CPA6: variants seen among roughly 807,000 people sequenced by gnomAD.
CPA6 encodes carboxypeptidase A6.
In CPA6, 58 loss-of-function variants were observed where a neutral mutation model predicts 63.3. The observed-to-expected ratio is 0.92, with a 90% CI of 0.74 to 1.14. The LOEUF (loss-of-function observed/expected upper bound fraction) is 1.14. Ranked by LOEUF, CPA6 falls within the 50% of genes most tolerant of loss-of-function variation. CPA6 has a pLI of 0.00. For missense variants in CPA6, 565 were observed against 526.6 expected (o/e 1.07, Z -0.71); for synonymous variants, 185 against 179.0 (o/e 1.03, Z -0.27).
intron 1 of CPA6, among the ~76,000 whole-genome samples, chr8:67,689,338 TTG>T (rs1816771679): frequency 6.6e-6 from 1 of 152,204 alleles, no homozygotes; most frequent in Non-Finnish European, 1.5e-5. Flanking sequence ...CATGGGTATA[TTG>T]TGTGATACTG....
intron 1 of CPA6, among the ~76,000 whole-genome samples, chr8:67,695,567 C>G (rs1321848890): frequency 6.6e-6 from 1 of 152,240 alleles, no homozygotes. Context: ...TTCTACACAG[C>G]ATTACTTCTG....
At chr8:67,692,911 C>T (rs530873087) in intron 1 of CPA6, among the ~76,000 whole-genome samples, 11 of 152,266 alleles carry the variant, frequency 7.2e-5, no homozygotes, top group Admixed American at 2.0e-4. Flanking sequence ...ATATTCACTA[C>T]GAGTCATACC....
intron 2 of CPA6, among the ~76,000 whole-genome samples, chr8:67,615,683 C>T (rs545462235): frequency 5.9e-4 from 90 of 152,248 alleles, no homozygotes; most frequent in African/African-American, 1.9e-3. Flanking sequence ...CCATATCCAC[C>T]ATATGCAATT....
chr8:67,424,561 T>G (rs901512752), intron 10 of CPA6, among the ~76,000 whole-genome samples: 5 of 152,194 alleles, frequency 3.3e-5, no homozygotes, highest in African/African-American at 1.2e-4. Context: ...TAATTATGCA[T>G]CTGCATTGGC....
intron 1 of CPA6, among the ~76,000 whole-genome samples, chr8:67,668,741 T>C (rs1027114151): frequency 6.6e-5 from 10 of 152,204 alleles, no homozygotes; most frequent in Admixed American, 6.5e-5. Flanking sequence ...AGCATTATAC[T>C]ATGTATTAGG....
At chr8:67,703,567 C>A (rs1388167748) in intron 1 of CPA6, among the ~76,000 whole-genome samples, 1 of 152,258 alleles carries the variant, frequency 6.6e-6, no homozygotes, top group East Asian at 1.9e-4. Context: ...TTTTACTTTG[C>A]ATGCTGCATG....
In CPA6 at chr8:67,611,247, T is replaced by C. The variant is rs140558591; in HGVS notation, c.192+12929A>G. 3.5e-3 allele frequency among the ~76,000 whole-genome samples: 536 copies of C among 152,252 alleles called. 3 individuals carry two copies. The highest frequency in any genetic ancestry group is 0.012 in the African/African-American group (495 of 41,550). On this transcript the variant is annotated intron_variant, in intron 2 of 10. Coordinates refer to ENST00000297770, the MANE Select transcript of CPA6 (RefSeq NM_020361.5). ...ACAAGCACACACCACCATGCCCTGCTAATTTTTTGTATTTTTAGTAGAGAC... is the reference window on the plus strand; with the variant it reads ...ACAAGCACACACCACCATGCCCTGCCAATTTTTTGTATTTTTAGTAGAGAC...
chr8:67,442,159 A>G (rs888069775), intron 8 of CPA6, among the ~76,000 whole-genome samples: 2 of 152,146 alleles, frequency 1.3e-5, no homozygotes, highest in Non-Finnish European at 2.9e-5. Context: ...TAAAATTACA[A>G]GTTGATGTTG....
At chr8:67,433,851 G>A (rs1810082955) in intron 9 of CPA6, among the ~76,000 whole-genome samples, 187 bp downstream of exon 9, 1 of 152,164 alleles carries the variant, frequency 6.6e-6, no homozygotes, top group South Asian at 2.1e-4. Context: ...TTCTTTACCT[G>A]TAAAGTGGGG....
intron 1 of CPA6, among the ~76,000 whole-genome samples, chr8:67,675,093 T>C (rs1164886677): frequency 1.3e-5 from 2 of 152,174 alleles, no homozygotes; most frequent in African/African-American, 4.8e-5. Context: ...ACCTGGGTGA[T>C]AGGATCCATA....
intron 6 of CPA6, among the ~76,000 whole-genome samples, chr8:67,489,634 T>G (rs375192143): frequency 3.3e-5 from 5 of 152,202 alleles, no homozygotes; most frequent in East Asian, 3.8e-4. Context: ...TTGTGAATGT[T>G]CCAATTGTGC....
Position 67,577,678 on chromosome 8 carries a change from C to A in CPA6, c.192+46498G>T, listed in dbSNP as rs957656501. 2.0e-5 allele frequency among the ~76,000 whole-genome samples: 3 copies of A among 152,050 alleles called. No homozygotes were observed. The East Asian group carries it at 5.8e-4, about 29-fold the overall frequency. ...AAGGAAAGCATGAGTTAACTTTAAC[C>A]TGCTGCCTAAATTAAGCAGTAAAAA... On this transcript the variant is annotated intron_variant, in intron 2 of 10. Coordinates refer to ENST00000297770, the MANE Select transcript of CPA6 (RefSeq NM_020361.5).
chr8:67,724,403 T>G (rs1182704344), intron 1 of CPA6, among the ~76,000 whole-genome samples: 2 of 152,182 alleles, frequency 1.3e-5, no homozygotes, highest in African/African-American at 2.4e-5. Flanking sequence ...GCAGCGAACT[T>G]ACAGCAGCTC....
chr8:67,518,078 A>G (rs774063728), intron 2 of CPA6, 31 bp from the exon 3 acceptor site: 5 of 1,514,824 alleles, frequency 3.3e-6, no homozygotes, highest in African/African-American at 1.4e-5. Context: ...TATAATTCAT[A>G]TCCAACGTAG....
At chr8:67,507,244 A>C (rs1336223339) in intron 5 of CPA6, among the ~76,000 whole-genome samples, 2 of 151,986 alleles carry the variant, frequency 1.3e-5, no homozygotes, top group Admixed American at 1.3e-4. Flanking sequence ...GTCTCTTGCA[A>C]TCCTGCTGGC....
At chr8:67,686,316 G>A (rs1415286151) in intron 1 of CPA6, among the ~76,000 whole-genome samples, 1 of 152,138 alleles carries the variant, frequency 6.6e-6, no homozygotes, top group Non-Finnish European at 1.5e-5. Flanking sequence ...CAAGCCATTA[G>A]GGTCTTAATT....
chr8:67,568,966 G>T (rs1475497156), intron 2 of CPA6, among the ~76,000 whole-genome samples: 2 of 152,170 alleles, frequency 1.3e-5, no homozygotes, highest in Non-Finnish European at 2.9e-5. Context: ...GGCCAGGCTG[G>T]TCTCAAGCTC....
chr8:67,504,569 A>T (rs1443271204), intron 6 of CPA6, among the ~76,000 whole-genome samples: 1 of 152,116 alleles, frequency 6.6e-6, no homozygotes, highest in Non-Finnish European at 1.5e-5. Context: ...CAAGGAGTTG[A>T]TATCTCTGGC....
At position 67,484,776 on chromosome 8, in the gene CPA6, T is replaced by C. The variant is rs775260568; in HGVS notation, c.650A>G (p.Tyr217Cys). The C allele has an allele frequency of 3.1e-5, 50 of 1,593,162 alleles. No homozygotes were observed. The highest frequency in any genetic ancestry group is 3.9e-5 in the Non-Finnish European group (45 of 1,162,364). ...TTTTCTCATGGCTGGGTCACTCTTA[T>C]ATGTTAGAAGAGCCTAAAAGACAAA... is the stretch of plus-strand genomic sequence containing the variant. ...QWFVKEALLT[Y>C]KSDPAMRKML... Residue 217 changes from tyrosine to cysteine, a missense_variant, in exon 7 of 11, where the codon TAT becomes TGT. Coordinates refer to ENST00000297770, the MANE Select transcript of CPA6 (RefSeq NM_020361.5).
Sources: gnomAD v4.1 joint callset for allele counts (sites outside exome capture counted in the v4.1 genomes callset) on GRCh38, gnomAD v4.1.1 for gene constraint, MANE v1.5 for transcripts, NCBI Gene and HGNC (gene_info 2026-07-23, HGNC 2026-07-21) for gene names.